HPS5: variants seen among roughly 807,000 people sequenced by gnomAD.
HPS5 encodes the protein BLOC-2 complex member HPS5.
A neutral mutation model predicts 128.0 loss-of-function variants in HPS5; 83 were observed. The ratio of observed to expected loss-of-function variants is 0.65; its 90% CI spans 0.54 to 0.78. The LOEUF is 0.78. HPS5 is among the 30% of genes least tolerant of loss of function. HPS5 has a pLI of 0.00. For missense variants in HPS5, 1,281 were observed against 1,326.2 expected (o/e 0.97, Z 0.53); for synonymous variants, 475 against 470.2 (o/e 1.01, Z -0.13).
intron 21 of HPS5, among the ~76,000 whole-genome samples, chr11:18,283,188 G>A (rs191604107): frequency 6.6e-6 from 1 of 152,058 alleles, no homozygotes; most frequent in East Asian, 1.9e-4. Context: ...TTTTAGTAGA[G>A]ATGGGGTTTC....
At chr11:18,281,780 G>T (rs1191313455) in intron 22 of HPS5, 170 bp downstream of exon 22, 2 of 768,838 alleles carry the variant, frequency 2.6e-6, no homozygotes, top group Non-Finnish European at 4.5e-6. Context: ...CTTGGTCATG[G>T]CTGTGAATGA....
At chr11:18,306,955 C>T (rs1350427409) in intron 6 of HPS5, among the ~76,000 whole-genome samples, 1 of 152,174 alleles carries the variant, frequency 6.6e-6, no homozygotes, top group Non-Finnish European at 1.5e-5. Flanking sequence ...TTCCTAAAAA[C>T]TCCTGTTACT....
Position 18,311,709 on chromosome 11 carries a change from C to T in HPS5, c.219+205G>A, listed in dbSNP as rs1863035706. 5.0e-6 allele frequency: 3 copies of T among 598,378 alleles called. No individual in the cohort carries two copies. The Admixed American group carries it at 7.6e-5, about 15-fold the overall frequency. 37.1% of individuals were successfully genotyped at this position (598,378 alleles called of 1,614,324 possible). A position where few individuals can be genotyped will look rare whatever the true frequency, so the allele number is the denominator to read the frequency against. The stretch of plus-strand genomic sequence containing the variant: ...TGTTTTTAGTGGAGACGGGGTTTCA[C>T]CATGTTGGCCAGGCTGGTCTCCAAC... On this transcript the variant is annotated intron_variant, in intron 3 of 22. Transcript: ENST00000349215.
chr11:18,305,433 G>A lies in HPS5; in HGVS notation c.885C>T (p.Leu295=), dbSNP rs369851648. The A allele has an allele frequency of 1.9e-6, 3 of 1,604,922 alleles. No homozygotes were observed. Among genetic ancestry groups the A allele is most frequent in the South Asian group, 1.1e-5 (1 of 90,868 alleles). Residue 295 remains leucine (L), a synonymous_variant, in exon 8 of 23, where the codon CTC becomes CTT. Transcript: ENST00000349215. The part of the protein sequence containing the change: ...GSSQSLSFPK[L]LHLSEHCVLT... ...AAGTAGAAACTTACCTAAGATGTAA[G>A]AGTTTGGGGAAAGACAAAGACTGGG...
intron 12 of HPS5, chr11:18,296,353 A>T: frequency 1.8e-6 from 1 of 564,392 alleles, no homozygotes. Flanking sequence ...CTGAGTCCCC[A>T]TAAGTCAAAA....
intron 8 of HPS5, among the ~76,000 whole-genome samples, chr11:18,301,466 A>G (rs1861697790): frequency 6.6e-6 from 1 of 151,218 alleles, no homozygotes; most frequent in Non-Finnish European, 1.5e-5. Flanking sequence ...AAAAAAAAAA[A>G]AAAAAAAAAA....
chr11:18,296,094 A>C lies in HPS5; in HGVS notation c.1539T>G (p.Phe513Leu). ...GAAAAGTTTCATTCTTATCTGTCTC[A>C]AACATCACTGGAGCATGAGAAACAT... is the stretch of plus-strand genomic sequence containing the variant. Reference protein sequence around the residue: ...EDNVSHAPVMFETDKNETFLP... With the variant: ...EDNVSHAPVMLETDKNETFLP... Residue 513 changes from phenylalanine to leucine, a missense_variant, in exon 13 of 23, where the codon TTT becomes TTG. Physicochemically the swap from Phe to Leu is conservative, Grantham distance 22 (BLOSUM62 0). Coordinates refer to ENST00000349215, the MANE Select transcript of HPS5 (RefSeq NM_181507.2). The C allele has an allele frequency of 6.2e-7, 1 of 1,613,480 alleles. No individual in the cohort carries two copies. The highest frequency in any genetic ancestry group is 8.5e-7 in the Non-Finnish European group (1 of 1,179,376).
Position 18,298,816 on chromosome 11 carries a change from G to A in HPS5, c.1140C>T (p.Phe380=). ...WNLAARTCCL[F]QNSVIASRAR... ...CTCTGCTGGCAATGACAGAATTTTG[G>A]AAAAGACAGCATGTACGAGCAGCCA... The change falls in exon 10 of 23, where the codon TTC becomes TTT. Residue 380 remains phenylalanine, a synonymous_variant. Coordinates refer to ENST00000349215, the MANE Select transcript of HPS5 (RefSeq NM_181507.2). 1 of 1,614,142 alleles carries A rather than the reference G, an allele frequency of 6.2e-7. No individual in the cohort carries two copies. Among genetic ancestry groups the A allele is most frequent in the South Asian group, 1.1e-5 (1 of 91,078 alleles).
chr11:18,295,764 G>T (rs983914332), intron 13 of HPS5, among the ~76,000 whole-genome samples: 4 of 152,146 alleles, frequency 2.6e-5, no homozygotes, highest in African/African-American at 9.7e-5. Context: ...TTTAATTTTT[G>T]ATCTCTTGAG....
chr11:18,312,761 C>G (rs1178349725), intron 2 of HPS5, among the ~76,000 whole-genome samples: 1 of 152,174 alleles, frequency 6.6e-6, no homozygotes, highest in Non-Finnish European at 1.5e-5. Context: ...TTAATGAGAA[C>G]AGTAAGACTG....
intron 7 of HPS5, 30 bp from the exon 8 acceptor site, chr11:18,305,523 T>A: frequency 6.7e-7 from 1 of 1,497,060 alleles, no homozygotes; most frequent in Non-Finnish European, 9.3e-7. Context: ...GTTAATGAGT[T>A]TATCTGTTAA....
chr11:18,314,979 C>T (rs1167591701), intron 2 of HPS5, among the ~76,000 whole-genome samples: 1 of 152,182 alleles, frequency 6.6e-6, no homozygotes, highest in African/African-American at 2.4e-5. Context: ...GGATTACAGG[C>T]ATGAGCCACC....
chr11:18,297,410 G>A, intron 11 of HPS5, 149 bp downstream of exon 11: 1 of 684,432 alleles, frequency 1.5e-6, no homozygotes, highest in East Asian at 2.7e-5. Context: ...TCACAGAGCT[G>A]AGCCACTAGC....
chr11:18,304,189 C>T (rs894180478), intron 8 of HPS5, among the ~76,000 whole-genome samples: 7 of 149,810 alleles, frequency 4.7e-5, no homozygotes, highest in South Asian at 2.1e-4. Context: ...TATGGAGTTA[C>T]TAAAGTGTTA....
intron 6 of HPS5, 141 bp from the exon 7 acceptor site, chr11:18,306,488 C>A: frequency 1.9e-5 from 12 of 637,158 alleles, no homozygotes; most frequent in South Asian, 1.7e-4. Context: ...CTGAAAAAAA[C>A]AATAGAATGG....
At chr11:18,297,156 C>T (rs927157338) in intron 11 of HPS5, among the ~76,000 whole-genome samples, 172 bp from the exon 12 acceptor site, 5 of 152,142 alleles carry the variant, frequency 3.3e-5, no homozygotes, top group East Asian at 1.9e-4. Flanking sequence ...TGGGTCACTC[C>T]GTGTGCTAGT....
At chr11:18,280,192 C>T (rs1470712477) in intron 22 of HPS5, among the ~76,000 whole-genome samples, 1 of 152,184 alleles carries the variant, frequency 6.6e-6, no homozygotes, top group Non-Finnish European at 1.5e-5. Flanking sequence ...AAACACCCAA[C>T]CTGATTCAAC....
rs1859574203 is a variant in HPS5, at chr11:18,285,398, G to A, written c.2899C>T (p.Pro967Ser). ...SQLILHLIKLPADFITKEKMT... is the reference protein window; with the variant it reads ...SQLILHLIKLSADFITKEKMT... The stretch of plus-strand genomic sequence containing the variant: ...TTCTCTTTGGTTATAAAATCTGCAG[G>A]AAGTTTAATTAGATGAAGGATCAGC... Residue 967 changes from proline to serine, a missense_variant, in exon 20 of 23, where the codon CCT (proline) becomes TCT (serine). Pro to Ser is a moderately conservative substitution (Grantham distance 74). Transcript: ENST00000349215. 1 of 1,613,628 alleles carries A rather than the reference G, an allele frequency of 6.2e-7. No individual in the cohort carries two copies. Among genetic ancestry groups the A allele is most frequent in the Non-Finnish European group, 8.5e-7 (1 of 1,179,722 alleles).
At chr11:18,315,627 A>T (rs778702441) in intron 2 of HPS5, among the ~76,000 whole-genome samples, 22 of 151,382 alleles carry the variant, frequency 1.5e-4, no homozygotes, top group Admixed American at 2.0e-4. Flanking sequence ...AAAAAAAAAT[A>T]GAAAGAAAGA....
Sources: allele counts gnomAD v4.1 joint callset (sites outside exome capture counted in the v4.1 genomes callset), GRCh38; gene constraint gnomAD v4.1.1; transcripts MANE v1.5; gene names NCBI Gene and HGNC (gene_info 2026-07-23, HGNC 2026-07-21).